RELL1: variants seen among roughly 807,000 people sequenced by gnomAD.
RELL1 encodes the protein RELT like 1.
RELL1 carries 10 observed loss-of-function variants against 23.0 expected under a neutral mutation model. The observed-to-expected ratio is 0.43, with a 90% CI of 0.27 to 0.74. The LOEUF (loss-of-function observed/expected upper bound fraction) is 0.74. Ranked by LOEUF, RELL1 falls within the 30% of genes least tolerant of loss-of-function variation. RELL1 has a pLI of 0.19. For missense variants in RELL1, 315 were observed against 364.4 expected (o/e 0.86, Z 1.10); for synonymous variants, 146 against 146.8 (o/e 0.99, Z 0.04).
At chr4:37,660,769 C>G (rs561249004) in intron 1 of RELL1, among the ~76,000 whole-genome samples, 3 of 152,156 alleles carry the variant, frequency 2.0e-5, no homozygotes, top group South Asian at 2.1e-4. Flanking sequence ...CGGTGGCTCA[C>G]GCCTGTAATC....
intron 1 of RELL1, among the ~76,000 whole-genome samples, chr4:37,653,736 C>T (rs1038171230): frequency 6.6e-6 from 1 of 152,168 alleles, no homozygotes; most frequent in African/African-American, 2.4e-5. Flanking sequence ...TATCACTTTC[C>T]AGCCTCAGGC....
chr4:37,614,698 G>A (rs1478368928), intron 6 of RELL1, among the ~76,000 whole-genome samples: 1 of 151,502 alleles, frequency 6.6e-6, no homozygotes, highest in Non-Finnish European at 1.5e-5. Flanking sequence ...GAAAAAATGA[G>A]AGGGAATTTT....
intron 6 of RELL1, among the ~76,000 whole-genome samples, chr4:37,624,252 G>A (rs58114002): frequency 0.063 from 9,585 of 152,088 alleles, 359 homozygotes; most frequent in Non-Finnish European, 0.087. Flanking sequence ...GCAGAACACC[G>A]GCACAGCAGT....
intron 1 of RELL1, among the ~76,000 whole-genome samples, chr4:37,678,901 A>G (rs1343242871): frequency 6.6e-6 from 1 of 152,200 alleles, no homozygotes; most frequent in Non-Finnish European, 1.5e-5. Flanking sequence ...GTGCACAAAC[A>G]AAATGGGAGA....
At chr4:37,604,393 C>T (rs572966894) in intron 6 of RELL1, among the ~76,000 whole-genome samples, 1 of 152,264 alleles carries the variant, frequency 6.6e-6, no homozygotes, top group South Asian at 2.1e-4. Flanking sequence ...CATCCTAGTG[C>T]ACACATTCTG....
intron 1 of RELL1, among the ~76,000 whole-genome samples, chr4:37,684,081 G>GA (rs1318094191): frequency 3.3e-5 from 5 of 151,884 alleles, no homozygotes; most frequent in African/African-American, 1.2e-4. Context: ...GTCTCAAAAA[G>GA]AAAAAAATAA....
chr4:37,621,083 T>A (rs1337479770), intron 6 of RELL1, among the ~76,000 whole-genome samples: 1 of 152,234 alleles, frequency 6.6e-6, no homozygotes, highest in African/African-American at 2.4e-5. Flanking sequence ...GTATCCTATG[T>A]CCTGTTACTT....
chr4:37,660,965 A>G (rs1295332685), intron 1 of RELL1, among the ~76,000 whole-genome samples: 1 of 151,416 alleles, frequency 6.6e-6, no homozygotes, highest in East Asian at 2.0e-4. Context: ...CGGGAGGCGG[A>G]GCTTGCAGTG....
chr4:37,662,994 G>T (rs1450085407), intron 1 of RELL1, among the ~76,000 whole-genome samples: 2 of 152,170 alleles, frequency 1.3e-5, no homozygotes, highest in African/African-American at 4.8e-5. Flanking sequence ...TGGGATACAG[G>T]CCAGGAAGCC....
chr4:37,600,432 T>G (rs964576731), intron 6 of RELL1, among the ~76,000 whole-genome samples: 5 of 152,170 alleles, frequency 3.3e-5, no homozygotes, highest in Non-Finnish European at 5.9e-5. Flanking sequence ...ATTTCTAAAC[T>G]GGGTAAGTTC....
intron 1 of RELL1, among the ~76,000 whole-genome samples, chr4:37,669,561 G>A (rs28521121): frequency 0.21 from 31,835 of 152,008 alleles, 3,575 homozygotes; most frequent in African/African-American, 0.27. Context: ...AACGGGCCAT[G>A]ATGACAATGG....
At chr4:37,603,742 T>G (rs953478420) in intron 6 of RELL1, among the ~76,000 whole-genome samples, 1 of 152,200 alleles carries the variant, frequency 6.6e-6, no homozygotes, top group Non-Finnish European at 1.5e-5. Context: ...CTGTGTAGTC[T>G]TCTTTCCTGG....
At position 37,674,269 on chromosome 4, in the gene RELL1, C is replaced by T. The variant is rs146296465; in HGVS notation, c.88+11931G>A. The stretch of plus-strand genomic sequence containing the variant: ...TTTTACATACCTACATAGCACCTGA[C>T]GATATCTCAAATAAGAGAAACCTCA... On this transcript the variant is annotated intron_variant, in intron 1 of 6. Coordinates refer to ENST00000454158, the MANE Select transcript of RELL1 (RefSeq NM_001085400.2). Among the ~76,000 whole-genome samples, 84 of 152,326 alleles carry T rather than the reference C, an allele frequency of 5.5e-4. 1 individual carries two copies. In the East Asian group the frequency reaches 9.6e-3, roughly 17 times the overall value.
intron 1 of RELL1, among the ~76,000 whole-genome samples, chr4:37,682,376 T>G (rs1722254476): frequency 6.6e-6 from 1 of 152,266 alleles, no homozygotes; most frequent in African/African-American, 2.4e-5. Flanking sequence ...CCTAATAGTT[T>G]ATACCAATGA....
Position 37,675,875 on chromosome 4 carries a change from T to C in RELL1, c.88+10325A>G, listed in dbSNP as rs573460631. ...GTTGAAAAGCAAATCTCCAGACCCA[T>C]CCCAGTCCTATGGACTCAGCACTCT... On this transcript the variant is annotated intron_variant, in intron 1 of 6. Transcript: ENST00000454158. Among the ~76,000 whole-genome samples, 4 of 152,288 alleles carry C rather than the reference T, an allele frequency of 2.6e-5. No individual in the cohort carries two copies. In the South Asian group the frequency reaches 8.3e-4, roughly 32 times the overall value.
chr4:37,587,223 A>G (rs1451178681), downstream of RELL1, among the ~76,000 whole-genome samples: 1 of 152,070 alleles, frequency 6.6e-6, no homozygotes, highest in Non-Finnish European at 1.5e-5. Context: ...CATTTATTTA[A>G]TTGTATTTAG....
chr4:37,605,796 A>AG (rs1491412255), downstream of RELL1, among the ~76,000 whole-genome samples: 3,875 of 83,322 alleles, frequency 0.047, 141 homozygotes, highest in East Asian at 0.074. Flanking sequence ...AAAGAAAGAG[A>AG]AAGAAAGAAA....
intron 1 of RELL1, among the ~76,000 whole-genome samples, chr4:37,670,403 A>G: frequency 6.6e-6 from 1 of 152,194 alleles, no homozygotes; most frequent in East Asian, 1.9e-4. Flanking sequence ...AGATGTTTCC[A>G]TTGGTTGGAG....
chr4:37,613,776 T>G (rs982068353), intron 6 of RELL1, among the ~76,000 whole-genome samples: 1 of 152,220 alleles, frequency 6.6e-6, no homozygotes, highest in African/African-American at 2.4e-5. Flanking sequence ...ACCTTCAGGG[T>G]TCTGGATTGT....
Sources: gnomAD v4.1 joint callset for allele counts (sites outside exome capture counted in the v4.1 genomes callset) on GRCh38, gnomAD v4.1.1 for gene constraint, MANE v1.5 for transcripts, NCBI Gene and HGNC (gene_info 2026-07-23, HGNC 2026-07-21) for gene names.